Variants in LDLRAD4 observed in about 807,000 individuals in gnomAD.
LDLRAD4 encodes low-density lipoprotein receptor class A domain-containing protein 4.
In LDLRAD4, 5 loss-of-function variants were observed where a neutral mutation model predicts 17.0. The observed-to-expected ratio is 0.29, with a 90% CI of 0.15 to 0.62. LDLRAD4 has a LOEUF of 0.62. Among genes scored for constraint, LDLRAD4 ranks in the 20% least tolerant of loss-of-function variants. The pLI, the probability that LDLRAD4 is intolerant of heterozygous loss-of-function variation, is 0.84. For missense variants in LDLRAD4, 340 were observed against 424.7 expected, an observed-to-expected ratio of 0.80 and a Z score of 1.75; for synonymous variants, 168 against 171.8, an observed-to-expected ratio of 0.98 and a Z score of 0.17.
At chr18:13,492,215 G>A (rs1298369513) in intron 3 of LDLRAD4, among the ~76,000 whole-genome samples, 1 of 152,224 alleles carries the variant, frequency 6.6e-6, no homozygotes, top group Non-Finnish European at 1.5e-5. Context: ...GGGGCACAGA[G>A]GAAGGATGCG....
rs1034545655 is a variant in LDLRAD4 at position 13,367,473 on chromosome 18, A to C, written c.-382-19868A>C. 6.6e-6 allele frequency among the ~76,000 whole-genome samples: 1 copy of C among 152,192 alleles called. No homozygotes were observed. Among genetic ancestry groups the C allele is most frequent in the African/African-American group, 2.4e-5 (1 of 41,446 alleles). On this transcript the variant is annotated intron_variant, in intron 1 of 5. Coordinates refer to ENST00000359446, the Ensembl canonical transcript of LDLRAD4. This position sits in a 1 kb window ranked among gnomAD's most constrained non-coding sequence, Gnocchi z 4.1. ...AGAGCCTGGCAGGTTTTGGAGGTGCACTGTATGCTCAGGAAGGATTCAGTG... is the reference window on the plus strand; with the variant it reads ...AGAGCCTGGCAGGTTTTGGAGGTGCCCTGTATGCTCAGGAAGGATTCAGTG...
chr18:13,562,712 A>C (rs962364128), intron 3 of LDLRAD4, among the ~76,000 whole-genome samples: 1 of 152,208 alleles, frequency 6.6e-6, no homozygotes, highest in African/African-American at 2.4e-5. Flanking sequence ...TTTTAGATGC[A>C]ACATGTGAGA....
At chr18:13,625,282 TTAAAC>T (rs1432097505) in intron 4 of LDLRAD4, among the ~76,000 whole-genome samples, 4 of 152,200 alleles carry the variant, frequency 2.6e-5, no homozygotes, top group African/African-American at 9.7e-5. Context: ...CACACTCTGA[TTAAAC>T]TTACTGTTAC....
rs144907292 is a variant in LDLRAD4 at position 13,459,611 on chromosome 18, G to A, written c.181+21227G>A. Among the ~76,000 whole-genome samples the A allele has an allele frequency of 3.1e-3, 471 of 152,154 alleles. 3 individuals are homozygous for A. The highest frequency in any genetic ancestry group is 0.011 in the African/African-American group (450 of 41,510). On this transcript the variant is annotated intron_variant, in intron 3 of 5. Coordinates refer to ENST00000359446, the Ensembl canonical transcript of LDLRAD4. ...TTGGCCAGGCTGGTCTCAAACTCCT[G>A]GCCTCAGGTAATCTGCCCACCTCAG... is the stretch of plus-strand genomic sequence containing the variant.
At chr18:13,334,078 C>T (rs2081990993) in intron 1 of LDLRAD4, among the ~76,000 whole-genome samples, 1 of 152,130 alleles carries the variant, frequency 6.6e-6, no homozygotes, top group Admixed American at 6.5e-5. Flanking sequence ...TTATTTCTTT[C>T]ATCAGAGTTT....
chr18:13,474,919 C>T (rs1124214), intron 3 of LDLRAD4, among the ~76,000 whole-genome samples: 1 of 152,126 alleles, frequency 6.6e-6, no homozygotes, highest in Non-Finnish European at 1.5e-5. Flanking sequence ...TTAGCATGAG[C>T]TGAGTCCTGC....
chr18:13,224,725 C>A (rs1160889994), intron 1 of LDLRAD4, among the ~76,000 whole-genome samples: 1 of 151,734 alleles, frequency 6.6e-6, no homozygotes, highest in Non-Finnish European at 1.5e-5. Flanking sequence ...CATGATCCGC[C>A]CGTCTTGGCC....
At chr18:13,493,980 A>C (rs1433360783) in intron 3 of LDLRAD4, among the ~76,000 whole-genome samples, 2 of 152,188 alleles carry the variant, frequency 1.3e-5, no homozygotes, top group Admixed American at 6.5e-5. Flanking sequence ...AGGCATGGTG[A>C]CGCGGTGCCG....
At chr18:13,288,482 G>A (rs1422846768) in intron 1 of LDLRAD4, among the ~76,000 whole-genome samples, 3 of 152,204 alleles carry the variant, frequency 2.0e-5, no homozygotes, top group African/African-American at 7.2e-5. Flanking sequence ...GCTATTTCAA[G>A]TTAAAATATT....
At chr18:13,432,908 G>A (rs555442221) in intron 2 of LDLRAD4, among the ~76,000 whole-genome samples, 1 of 152,126 alleles carries the variant, frequency 6.6e-6, no homozygotes, top group East Asian at 1.9e-4. Flanking sequence ...GTAGAGATGG[G>A]GTCTCACCAT....
chr18:13,633,058 C>G (rs1317940893), intron 4 of LDLRAD4, among the ~76,000 whole-genome samples: 1 of 152,192 alleles, frequency 6.6e-6, no homozygotes, highest in Non-Finnish European at 1.5e-5. Flanking sequence ...CCAGACAGGT[C>G]ATCCCAATGT....
chr18:13,290,291 AC>A (rs1442704365), intron 1 of LDLRAD4, among the ~76,000 whole-genome samples: 4 of 152,174 alleles, frequency 2.6e-5, no homozygotes, highest in African/African-American at 9.7e-5. Flanking sequence ...GTATCAGTTA[AC>A]CTTTTACATA....
rs574140445 is a variant in LDLRAD4, at chr18:13,335,530, G to T, written c.-382-51811G>T. Among the ~76,000 whole-genome samples the T allele has an allele frequency of 2.0e-5, 3 of 152,276 alleles. No individual in the cohort carries two copies. In the East Asian group the frequency reaches 5.8e-4, roughly 29 times the overall value. On this transcript the variant is annotated intron_variant, in intron 1 of 5. Transcript: ENST00000359446. ...ACATTGTCACTAGTTATTACATTTA[G>T]ATTTGGTTGACCACTTTAATCATCA... is the stretch of plus-strand genomic sequence containing the variant.
intron 3 of LDLRAD4, among the ~76,000 whole-genome samples, chr18:13,563,271 G>GT (rs1317272717): frequency 6.6e-6 from 1 of 152,164 alleles, no homozygotes; most frequent in Non-Finnish European, 1.5e-5. Context: ...TCCATAGAGC[G>GT]TTTTTTAGGC....
At chr18:13,389,321 G>C (rs190686999) in intron 2 of LDLRAD4, among the ~76,000 whole-genome samples, 1 of 149,120 alleles carries the variant, frequency 6.7e-6, no homozygotes, top group South Asian at 2.1e-4. Context: ...CAGCTCCCTC[G>C]TGGATACTCC....
chr18:13,327,131 C>T (rs924629024), intron 1 of LDLRAD4, among the ~76,000 whole-genome samples: 5 of 151,968 alleles, frequency 3.3e-5, no homozygotes, highest in South Asian at 4.2e-4. Context: ...CTCTGTGGGC[C>T]GTGGACTCTG....
At chr18:13,624,785 C>T (rs912322571) in intron 4 of LDLRAD4, among the ~76,000 whole-genome samples, 6 of 152,200 alleles carry the variant, frequency 3.9e-5, no homozygotes, top group African/African-American at 1.4e-4. Context: ...GTCAGCATGG[C>T]AGGGAGGGCC....
At chr18:13,416,931 G>C (rs966882264) in intron 2 of LDLRAD4, among the ~76,000 whole-genome samples, 2 of 152,148 alleles carry the variant, frequency 1.3e-5, no homozygotes, top group Admixed American at 6.5e-5. Flanking sequence ...TCATAGCAAC[G>C]TGTGAGGTAG....
intron 3 of LDLRAD4, among the ~76,000 whole-genome samples, chr18:13,581,702 C>A: frequency 6.6e-6 from 1 of 152,182 alleles, no homozygotes; most frequent in Non-Finnish European, 1.5e-5. Context: ...GTTAAAAATA[C>A]AAATTGCAAG....
Sources: gnomAD v4.1 joint callset for allele counts (sites outside exome capture counted in the v4.1 genomes callset) on GRCh38, gnomAD v4.1.1 for gene constraint, Gnocchi (gnomAD v3.1) non-coding constraint, MANE v1.5 for transcripts, NCBI Gene and HGNC (gene_info 2026-07-23, HGNC 2026-07-21) for gene names.